ARHGEF10L: variants seen among roughly 807,000 people sequenced by gnomAD.
ARHGEF10L encodes rho guanine nucleotide exchange factor 10-like protein.
Under a neutral mutation model 141.2 loss-of-function variants are expected in ARHGEF10L, and 69 were observed. The observed-to-expected ratio is 0.49, with a 90% CI of 0.40 to 0.60. ARHGEF10L has a LOEUF of 0.60. ARHGEF10L is among the 20% of genes least tolerant of loss of function. The probability of loss-of-function intolerance (pLI) is 0.00; values close to 1 mark genes in which losing one functional copy is unlikely to be tolerated. For missense variants in ARHGEF10L, 1,482 were observed against 1,734.3 expected, an observed-to-expected ratio of 0.85 and a Z score of 2.58; for synonymous variants, 711 against 718.5, an observed-to-expected ratio of 0.99 and a Z score of 0.17.
intron 20 of ARHGEF10L, 67 bp downstream of exon 20, chr1:17,638,756 C>T (rs918342450): frequency 2.1e-5 from 34 of 1,598,224 alleles, no homozygotes; most frequent in African/African-American, 4.0e-5. Context: ...GCAGGGGATC[C>T]GGAGAGGGTA....
rs560500744 is a variant in ARHGEF10L at position 17,623,145 on chromosome 1, C to T, written c.1170C>T (p.Thr390=). The change falls in exon 12 of 29, where the codon ACC becomes ACT. Residue 390 remains threonine (T), a synonymous_variant. Coordinates refer to ENST00000361221, the MANE Select transcript of ARHGEF10L (RefSeq NM_018125.4). This position sits in a 1 kb window ranked among gnomAD's most constrained non-coding sequence, Gnocchi z 4.7. ...LSSRVAEWDS[T]EKIGDLFVAS... The stretch of plus-strand genomic sequence containing the variant: ...CCCGCGTGGCTGAGTGGGATTCCAC[C>T]GAGAAGATCGGGGACCTCTTCGTGG... The T allele has an allele frequency of 1.9e-5, 30 of 1,613,664 alleles. No individual in the cohort carries two copies. In the East Asian group the frequency reaches 4.2e-4, roughly 23 times the overall value.
chr1:17,567,798 G>A (rs2077824207), intron 1 of ARHGEF10L, among the ~76,000 whole-genome samples: 1 of 152,176 alleles, frequency 6.6e-6, no homozygotes, highest in African/African-American at 2.4e-5. Context: ...TGCTGACTAT[G>A]CGGATGCAGG....
At chr1:17,663,003 G>A (rs1259950812) in intron 25 of ARHGEF10L, among the ~76,000 whole-genome samples, 1 of 152,218 alleles carries the variant, frequency 6.6e-6, no homozygotes, top group African/African-American at 2.4e-5. Flanking sequence ...GCTGCTCCAG[G>A]CTGGGACCCA....
At chr1:17,540,463 CG>C (rs2076682975) in intron 1 of ARHGEF10L, among the ~76,000 whole-genome samples, 1 of 152,036 alleles carries the variant, frequency 6.6e-6, no homozygotes, top group East Asian at 1.9e-4. Flanking sequence ...GAGAGGATGC[CG>C]GGTCAGCCGG....
chr1:17,694,594 T>C (rs866686138), intron 27 of ARHGEF10L: 23 of 248,736 alleles, frequency 9.2e-5, no homozygotes, highest in African/African-American at 4.4e-4. Context: ...TGCTTCACTC[T>C]TGGGCCCAGG....
chr1:17,530,688 C>T, the ARHGEF10L span, among the ~76,000 whole-genome samples: 6 of 152,100 alleles, frequency 3.9e-5, no homozygotes, highest in Non-Finnish European at 5.9e-5. Flanking sequence ...CCTTTCCGGA[C>T]CTCAGTTTCT....
intron 13 of ARHGEF10L, 119 bp downstream of exon 13, chr1:17,624,622 C>T: frequency 1.3e-6 from 1 of 793,710 alleles, no homozygotes; most frequent in Non-Finnish European, 2.2e-6. Flanking sequence ...TGGACAGCTC[C>T]CCTCTTTCTT....
chr1:17,596,547 GC>G (rs2080119720), intron 4 of ARHGEF10L, among the ~76,000 whole-genome samples: 1 of 152,198 alleles, frequency 6.6e-6, no homozygotes, highest in Non-Finnish European at 1.5e-5. Flanking sequence ...CCTGGCAAGG[GC>G]CCCAGAATGC....
At chr1:17,550,262 A>G (rs1210245353) in intron 1 of ARHGEF10L, among the ~76,000 whole-genome samples, 1 of 152,064 alleles carries the variant, frequency 6.6e-6, no homozygotes, top group East Asian at 1.9e-4. Flanking sequence ...ATGAAAGGAG[A>G]CGGTTAAGAG....
Position 17,635,006 on chromosome 1 carries a change from G to A in ARHGEF10L, c.1917G>A (p.Gly639=), listed in dbSNP as rs1449122850. ...GCGCCAAGAAGGCCTCTGCCTCAGG[G>A]CAGGCTCAGAGTGAGTACCCCCTCT... The part of the protein sequence containing the change: ...HSGAKKASAS[G]QAQNKVYLGP... The change falls in exon 18 of 29, where the codon GGG becomes GGA. Residue 639 remains glycine, a synonymous_variant. Coordinates refer to ENST00000361221, the MANE Select transcript of ARHGEF10L (RefSeq NM_018125.4). The A allele has an allele frequency of 6.2e-7, 1 of 1,614,048 alleles. No individual in the cohort carries two copies. The highest frequency in any genetic ancestry group is 2.2e-5 in the East Asian group (1 of 44,870).
chr1:17,618,129 A>C (rs961536198), intron 9 of ARHGEF10L, among the ~76,000 whole-genome samples: 10 of 152,178 alleles, frequency 6.6e-5, no homozygotes, highest in Admixed American at 6.5e-4. Flanking sequence ...TGGAGGGAGC[A>C]GGCCAAGTGG....
At chr1:17,545,935 T>G (rs571455877) in intron 1 of ARHGEF10L, among the ~76,000 whole-genome samples, 1 of 152,264 alleles carries the variant, frequency 6.6e-6, no homozygotes, top group East Asian at 1.9e-4. Context: ...CCAGAAGGAA[T>G]GGCATGTGCA....
At chr1:17,572,357 C>T (rs2078038122) in intron 1 of ARHGEF10L, among the ~76,000 whole-genome samples, 1 of 152,164 alleles carries the variant, frequency 6.6e-6, no homozygotes, top group African/African-American at 2.4e-5. Context: ...TGGGTTAGCT[C>T]CCACCTGTGA....
chr1:17,600,569 C>T (rs746089158), intron 4 of ARHGEF10L, among the ~76,000 whole-genome samples: 2 of 152,294 alleles, frequency 1.3e-5, no homozygotes, highest in East Asian at 1.9e-4. Context: ...CTGAGACCTA[C>T]GTTGGCACAT....
chr1:17,521,087 C>A, the ARHGEF10L span, among the ~76,000 whole-genome samples: 3 of 152,264 alleles, frequency 2.0e-5, no homozygotes, highest in Middle Eastern at 3.4e-3. Context: ...TTTATGGGCT[C>A]ACATTTGGAA....
rs1343193992 is a variant in ARHGEF10L at position 17,607,430 on chromosome 1, G to A, written c.434-372G>A. ...TTTGAGGCCACAGTGAGCTATGATT[G>A]TACCACTGCACTCCAGCCTGGGCGA... On this transcript the variant is annotated intron_variant, in intron 6 of 28. Coordinates refer to ENST00000361221, the MANE Select transcript of ARHGEF10L (RefSeq NM_018125.4). This position sits in a 1 kb window ranked among gnomAD's most constrained non-coding sequence, Gnocchi z 4.5. Among the ~76,000 whole-genome samples the A allele has an allele frequency of 6.6e-6, 1 of 152,188 alleles. No homozygotes were observed. Among genetic ancestry groups the A allele is most frequent in the Non-Finnish European group, 1.5e-5 (1 of 68,032 alleles).
chr1:17,518,759 AC>A, the ARHGEF10L span, among the ~76,000 whole-genome samples: 12 of 133,252 alleles, frequency 9.0e-5, no homozygotes, highest in South Asian at 4.9e-4. Flanking sequence ...TCCAAGTGGA[AC>A]CCACTGCATT....
intron 26 of ARHGEF10L, among the ~76,000 whole-genome samples, chr1:17,677,285 C>T (rs2063783182): frequency 6.6e-6 from 1 of 152,242 alleles, no homozygotes; most frequent in South Asian, 2.1e-4. Flanking sequence ...CCTGACTGCA[C>T]CTGCTCACCT....
intron 1 of ARHGEF10L, among the ~76,000 whole-genome samples, chr1:17,561,156 G>A (rs952197552): frequency 1.3e-5 from 2 of 152,198 alleles, no homozygotes; most frequent in Non-Finnish European, 2.9e-5. Flanking sequence ...CACGTAGTAG[G>A]TGCTCAGTAA....
Sources: allele counts gnomAD v4.1 joint callset (sites outside exome capture counted in the v4.1 genomes callset), GRCh38; gene constraint gnomAD v4.1.1; non-coding constraint Gnocchi (gnomAD v3.1); transcripts MANE v1.5; gene names NCBI Gene and HGNC (gene_info 2026-07-23, HGNC 2026-07-21).